The following FOXP1 variants were observed in gnomAD, a reference collection of about 807,000 sequenced individuals.
FOXP1 encodes the protein forkhead box P1.
FOXP1 carries 15 observed loss-of-function variants against 98.2 expected under a neutral mutation model. The observed-to-expected ratio is 0.15, with a 90% CI of 0.10 to 0.24. The LOEUF is 0.24. Ranked by LOEUF, FOXP1 falls within the 10% of genes least tolerant of loss-of-function variation. FOXP1 has a pLI of 1.00. For missense variants in FOXP1, 633 were observed against 848.5 expected (o/e 0.75, Z 3.15); for synonymous variants, 371 against 314.5 (o/e 1.18, Z -1.90).
chr3:71,031,758 A>C (rs1380719974), intron 11 of FOXP1, among the ~76,000 whole-genome samples: 1 of 152,210 alleles, frequency 6.6e-6, no homozygotes, highest in African/African-American at 2.4e-5. Flanking sequence ...AAAACAAAAA[A>C]AGAGGTGGGG....
At chr3:71,510,797 C>G (rs2042151276) in intron 2 of FOXP1, among the ~76,000 whole-genome samples, 1 of 152,206 alleles carries the variant, frequency 6.6e-6, no homozygotes, top group Admixed American at 6.5e-5. Context: ...ACTCCCCAAT[C>G]TGGGCTCATA....
At chr3:71,306,422 C>T (rs1472458795) in intron 4 of FOXP1, among the ~76,000 whole-genome samples, 3 of 151,978 alleles carry the variant, frequency 2.0e-5, no homozygotes, top group Admixed American at 6.6e-5. Context: ...TTTAAACAAT[C>T]GGTTTGTTTA....
At chr3:71,166,287 G>A (rs1345707887) in intron 6 of FOXP1, among the ~76,000 whole-genome samples, 1 of 152,154 alleles carries the variant, frequency 6.6e-6, no homozygotes, top group Non-Finnish European at 1.5e-5. Flanking sequence ...AAGCAAGTGG[G>A]GGGTGACAAG....
At chr3:71,390,064 G>A (rs971654959) in intron 3 of FOXP1, among the ~76,000 whole-genome samples, 3 of 152,140 alleles carry the variant, frequency 2.0e-5, no homozygotes, top group Non-Finnish European at 4.4e-5. Context: ...TGTGCATGGC[G>A]AAGGCATCGA....
At chr3:71,156,113 G>A (rs2060810127) in intron 6 of FOXP1, among the ~76,000 whole-genome samples, 1 of 152,156 alleles carries the variant, frequency 6.6e-6, no homozygotes, top group African/African-American at 2.4e-5. Context: ...GAGAAATCAG[G>A]AGGACTGCTG....
At position 70,958,061 on chromosome 3, in the gene FOXP1, C is replaced by T. The variant is rs1263247699; in HGVS notation, c.*1186G>A. 2 of 288,190 alleles carry T rather than the reference C, an allele frequency of 6.9e-6. No individual in the cohort carries two copies. Among genetic ancestry groups the T allele is most frequent in the Admixed American group, 9.2e-5 (2 of 21,756 alleles). 17.9% of individuals were successfully genotyped at this position (288,190 alleles called of 1,614,324 possible). A position where few individuals can be genotyped will look rare whatever the true frequency, so the allele number is the denominator to read the frequency against. ...ATCGCAGAGCACCCAAGGCCCATGG[C>T]AACTTGGTTCCACAAGGGAGAGCCT... On this transcript the variant is annotated 3_prime_UTR_variant, in exon 21 of 21. Coordinates refer to ENST00000649528, the MANE Select transcript of FOXP1 (RefSeq NM_001349338.3).
chr3:71,039,746 T>G (rs1478817502), intron 11 of FOXP1, among the ~76,000 whole-genome samples: 1 of 151,486 alleles, frequency 6.6e-6, no homozygotes, highest in Non-Finnish European at 1.5e-5. Context: ...TCTCTAAGGT[T>G]TTCTTTCTTG....
chr3:70,986,872 C>T (rs1262586756), intron 14 of FOXP1, among the ~76,000 whole-genome samples: 2 of 152,190 alleles, frequency 1.3e-5, no homozygotes, highest in Non-Finnish European at 2.9e-5. Context: ...TGCCTGCCAA[C>T]TGCATCTTGG....
At chr3:71,337,294 T>C (rs1366990996) in intron 4 of FOXP1, among the ~76,000 whole-genome samples, 1 of 152,222 alleles carries the variant, frequency 6.6e-6, no homozygotes, top group Admixed American at 6.5e-5. Context: ...TGAATGCAAC[T>C]TAATACAGTA....
intron 3 of FOXP1, among the ~76,000 whole-genome samples, chr3:71,388,357 T>G (rs1326051713): frequency 6.6e-6 from 1 of 152,256 alleles, no homozygotes; most frequent in African/African-American, 2.4e-5. Context: ...TTTCTACTAA[T>G]GAAGAAAATT....
At chr3:71,567,739 G>A (rs1409762071) in intron 2 of FOXP1, 5 of 151,984 alleles carry the variant, frequency 3.3e-5, no homozygotes, top group African/African-American at 4.8e-5. Flanking sequence ...GTGCACTTCC[G>A]GAAAGAATCT....
intron 3 of FOXP1, among the ~76,000 whole-genome samples, chr3:71,462,418 C>T (rs901183460): frequency 6.6e-6 from 1 of 152,174 alleles, no homozygotes; most frequent in East Asian, 1.9e-4. Context: ...ACACCTTCCA[C>T]CTGCCTTCTG....
At chr3:71,182,008 C>T (rs1051605443) in intron 6 of FOXP1, among the ~76,000 whole-genome samples, 4 of 143,268 alleles carry the variant, frequency 2.8e-5, no homozygotes, top group Non-Finnish European at 6.0e-5. Flanking sequence ...GCACTCCAGC[C>T]TGGGTGACAG....
intron 3 of FOXP1, among the ~76,000 whole-genome samples, chr3:71,397,227 GAAT>G (rs927295530): frequency 3.3e-5 from 5 of 150,674 alleles, no homozygotes; most frequent in African/African-American, 1.2e-4. Flanking sequence ...GCAGTCCCTG[GAAT>G]TGCATGAAGA....
At chr3:71,386,522 C>A (rs926691008) in intron 3 of FOXP1, among the ~76,000 whole-genome samples, 1 of 152,126 alleles carries the variant, frequency 6.6e-6, no homozygotes, top group African/African-American at 2.4e-5. Context: ...GTGGGCAGAT[C>A]ACGACCTCAA....
At chr3:71,356,213 CAAAAAAAA>C (rs3064928) in intron 4 of FOXP1, among the ~76,000 whole-genome samples, 5 of 75,352 alleles carry the variant, frequency 6.6e-5, no homozygotes, top group African/African-American at 9.0e-5. Context: ...CTGACTAAGT[CAAAAAAAA>C]AAAAAAAAAA....
At chr3:71,501,489 T>A (rs2107187218) in intron 2 of FOXP1, among the ~76,000 whole-genome samples, 1 of 152,044 alleles carries the variant, frequency 6.6e-6, no homozygotes, top group East Asian at 1.9e-4. Flanking sequence ...GAAAGAGGGT[T>A]TCACCATGTT....
At chr3:71,554,568 C>A (rs192643805) in intron 2 of FOXP1, among the ~76,000 whole-genome samples, 1 of 152,162 alleles carries the variant, frequency 6.6e-6, no homozygotes, top group East Asian at 1.9e-4. Context: ...TTGGTATTAC[C>A]TTAACTGAGT....
chr3:71,578,838 A>G (rs2047922910), intron 2 of FOXP1, among the ~76,000 whole-genome samples: 2 of 152,258 alleles, frequency 1.3e-5, no homozygotes, highest in African/African-American at 4.8e-5. Context: ...ACAGAAAACC[A>G]TGCCTAGGCT....
Sources: gnomAD v4.1 joint callset for allele counts (sites outside exome capture counted in the v4.1 genomes callset) on GRCh38, gnomAD v4.1.1 for gene constraint, MANE v1.5 for transcripts, NCBI Gene and HGNC (gene_info 2026-07-23, HGNC 2026-07-21) for gene names.